The following SIPA1L2 variants were observed in gnomAD, a reference collection of about 807,000 sequenced individuals.
SIPA1L2 encodes signal induced proliferation associated 1 like 2.
SIPA1L2 carries 56 observed loss-of-function variants against 163.9 expected under a neutral mutation model. That is an observed-to-expected ratio of 0.34 (90% confidence interval 0.28 to 0.43). SIPA1L2 has a LOEUF of 0.43. SIPA1L2 is among the 20% of genes least tolerant of loss of function. The pLI is 1.00. For missense variants in SIPA1L2, 1,974 were observed against 2,193.5 expected (o/e 0.90, Z 2.00); for synonymous variants, 877 against 865.7 (o/e 1.01, Z -0.23).
chr1:232,563,953 T>TGTGTGTGTG (rs1365909072), intron 2 of SIPA1L2, among the ~76,000 whole-genome samples: 7 of 130,094 alleles, frequency 5.4e-5, no homozygotes, highest in African/African-American at 2.5e-4. Flanking sequence ...TGTTTTTTTT[T>TGTGTGTGTG]TTCGTGTGTG....
intron 2 of SIPA1L2, among the ~76,000 whole-genome samples, chr1:232,549,685 G>A (rs1031646966): frequency 6.6e-6 from 1 of 151,992 alleles, no homozygotes; most frequent in Non-Finnish European, 1.5e-5. Flanking sequence ...ATTGAGGAGA[G>A]GAATCTGAGG....
At chr1:232,563,757 C>A (rs1471771630) in intron 2 of SIPA1L2, among the ~76,000 whole-genome samples, 1 of 152,180 alleles carries the variant, frequency 6.6e-6, no homozygotes, top group Non-Finnish European at 1.5e-5. Flanking sequence ...CTCTGTTGCC[C>A]AGGCTGGAGT....
intron 1 of SIPA1L2, among the ~76,000 whole-genome samples, chr1:232,612,111 G>C (rs894922593): frequency 2.0e-5 from 3 of 152,182 alleles, no homozygotes; most frequent in Non-Finnish European, 4.4e-5. Context: ...ACATGGTGTC[G>C]AGCTCACGAG....
intron 15 of SIPA1L2, among the ~76,000 whole-genome samples, chr1:232,437,286 A>G (rs543299821): frequency 6.6e-6 from 1 of 152,314 alleles, no homozygotes; most frequent in Non-Finnish European, 1.5e-5. Flanking sequence ...ACTTTGAACT[A>G]GATGTTAGCA....
chr1:232,458,584 G>A (rs1440405317), intron 10 of SIPA1L2, among the ~76,000 whole-genome samples: 2 of 152,138 alleles, frequency 1.3e-5, no homozygotes, highest in Non-Finnish European at 2.9e-5. Context: ...CAAAGGAAGC[G>A]CAAGGTAACA....
intron 14 of SIPA1L2, among the ~76,000 whole-genome samples, chr1:232,440,552 G>A (rs1337344158): frequency 6.6e-6 from 1 of 152,206 alleles, no homozygotes; most frequent in Non-Finnish European, 1.5e-5. Context: ...GCTGAGGGAA[G>A]AAATGTCACA....
intron 1 of SIPA1L2, among the ~76,000 whole-genome samples, chr1:232,622,419 G>A (rs1662861533): frequency 6.6e-6 from 1 of 152,154 alleles, no homozygotes; most frequent in African/African-American, 2.4e-5. Context: ...CCTGCTAATG[G>A]ACTGAGAGCT....
chr1:232,572,708 TATATATATAC>T (rs1303437820), intron 2 of SIPA1L2, among the ~76,000 whole-genome samples: 71 of 71,944 alleles, frequency 9.9e-4, no homozygotes, highest in African/African-American at 3.5e-3. Context: ...TATATATATA[TATATATATAC>T]ACACATATAT....
chr1:232,541,154 C>G (rs554097861), intron 2 of SIPA1L2, among the ~76,000 whole-genome samples: 50 of 152,220 alleles, frequency 3.3e-4, no homozygotes, highest in African/African-American at 1.2e-3. Context: ...GGCTTAAAAC[C>G]TAGGTGATGG....
intron 2 of SIPA1L2, among the ~76,000 whole-genome samples, chr1:232,531,753 A>G (rs1656959777): frequency 6.6e-6 from 1 of 152,164 alleles, no homozygotes; most frequent in African/African-American, 2.4e-5. Context: ...ATGGGACAGG[A>G]TCAGAAAGGT....
intron 2 of SIPA1L2, among the ~76,000 whole-genome samples, chr1:232,554,500 T>C (rs1658584155): frequency 6.6e-6 from 1 of 152,274 alleles, no homozygotes; most frequent in African/African-American, 2.4e-5. Flanking sequence ...TCCACAATGC[T>C]ACCCTAAAAA....
chr1:232,435,024 T>A (rs1662471164), intron 15 of SIPA1L2, among the ~76,000 whole-genome samples: 1 of 152,154 alleles, frequency 6.6e-6, no homozygotes, highest in Non-Finnish European at 1.5e-5. Flanking sequence ...AGTTTCCCCA[T>A]CAAGAACCTG....
At chr1:232,603,338 C>T (rs182733289) in intron 1 of SIPA1L2, among the ~76,000 whole-genome samples, 3 of 152,014 alleles carry the variant, frequency 2.0e-5, no homozygotes, top group African/African-American at 7.3e-5. Flanking sequence ...GTGAAAGATG[C>T]CACTTAGGGA....
rs140336758 is a variant in SIPA1L2, at chr1:232,432,238, C to T, written c.4256+9G>A. 3.2e-3 allele frequency: 5,227 copies of T among 1,611,542 alleles called. 121 individuals carry two copies. The African/African-American group carries it at 0.053, about 16-fold the overall frequency. On this transcript the variant is annotated intron_variant, in intron 16 of 22. Transcript: ENST00000674635. Reference sequence around the variant, plus strand: ...ATGCTGACCAGAGAAGAACAGCCAGCCACCTTACCCGGGACATTCAGTCAC... The same window carrying T: ...ATGCTGACCAGAGAAGAACAGCCAGTCACCTTACCCGGGACATTCAGTCAC...
chr1:232,531,424 TAC>T (rs1430785214), intron 2 of SIPA1L2, among the ~76,000 whole-genome samples: 1 of 152,246 alleles, frequency 6.6e-6, no homozygotes, highest in Admixed American at 6.5e-5. Flanking sequence ...CTTAGCCATG[TAC>T]TCACTCTGCT....
At chr1:232,572,638 A>G (rs914921669) in intron 2 of SIPA1L2, among the ~76,000 whole-genome samples, 1 of 149,682 alleles carries the variant, frequency 6.7e-6, no homozygotes, top group Non-Finnish European at 1.5e-5. Context: ...ATTCTGTCAC[A>G]GTTTAAATGT....
chr1:232,466,660 G>A (rs960045671), intron 8 of SIPA1L2, among the ~76,000 whole-genome samples: 2 of 152,042 alleles, frequency 1.3e-5, no homozygotes, highest in African/African-American at 4.8e-5. Flanking sequence ...GCGTGGTGGC[G>A]GGCGCCTGTA....
intron 15 of SIPA1L2, among the ~76,000 whole-genome samples, chr1:232,437,513 C>T (rs555126579): frequency 1.3e-5 from 2 of 152,350 alleles, no homozygotes; most frequent in Middle Eastern, 3.4e-3. Flanking sequence ...GCTCCCTCTG[C>T]ATGGTGGACA....
At chr1:232,589,999 G>C (rs1424598998) in intron 1 of SIPA1L2, among the ~76,000 whole-genome samples, 2 of 152,182 alleles carry the variant, frequency 1.3e-5, no homozygotes, top group Non-Finnish European at 2.9e-5. Context: ...ACGAATCACA[G>C]AACAGGAAGT....
Sources: gnomAD v4.1 joint callset for allele counts (sites outside exome capture counted in the v4.1 genomes callset) on GRCh38, gnomAD v4.1.1 for gene constraint, MANE v1.5 for transcripts, NCBI Gene and HGNC (gene_info 2026-07-23, HGNC 2026-07-21) for gene names.